Variants in M1AP observed in about 807,000 individuals in gnomAD.
M1AP encodes the protein meiosis 1 arrest protein.
In M1AP, 39 loss-of-function variants were observed where a neutral mutation model predicts 51.2. The ratio of observed to expected loss-of-function variants is 0.76; its 90% CI spans 0.59 to 1.00. The LOEUF is 1.00. Among genes scored for constraint, M1AP ranks in the 50% least tolerant of loss-of-function variants. The pLI is 0.00. For missense variants in M1AP, 545 were observed against 641.2 expected, an observed-to-expected ratio of 0.85 and a Z score of 1.62; for synonymous variants, 251 against 249.2, an observed-to-expected ratio of 1.01 and a Z score of -0.07.
At chr2:74,576,212 A>G (rs549683743) in intron 6 of M1AP, among the ~76,000 whole-genome samples, 122 of 152,324 alleles carry the variant, frequency 8.0e-4, no homozygotes, top group Middle Eastern at 6.8e-3. Context: ...AGTCAAAAGA[A>G]AAACAATCCT....
intron 4 of M1AP, among the ~76,000 whole-genome samples, chr2:74,602,523 T>C (rs1680732679): frequency 6.6e-6 from 1 of 152,202 alleles, no homozygotes; most frequent in Non-Finnish European, 1.5e-5. Flanking sequence ...TGAGGCTAAA[T>C]ACCTTGCCTA....
chr2:74,626,265 T>G (rs1383756557), intron 2 of M1AP, among the ~76,000 whole-genome samples: 2 of 150,662 alleles, frequency 1.3e-5, no homozygotes, highest in African/African-American at 2.5e-5. Flanking sequence ...CAGTTTTTTT[T>G]TTTTTTTTTT....
chr2:74,643,237 A>G (rs1037244936), intron 1 of M1AP, among the ~76,000 whole-genome samples: 2 of 152,198 alleles, frequency 1.3e-5, no homozygotes, highest in Non-Finnish European at 2.9e-5. Context: ...AAAAAAACAC[A>G]AATGTCAATC....
chr2:74,597,083 A>T (rs1355140565), intron 4 of M1AP, among the ~76,000 whole-genome samples: 1 of 152,232 alleles, frequency 6.6e-6, no homozygotes, highest in Admixed American at 6.5e-5. Flanking sequence ...GTATACTTCG[A>T]ATGGATGCAA....
At chr2:74,570,281 C>T (rs1017240410) in intron 7 of M1AP, among the ~76,000 whole-genome samples, 3 of 152,066 alleles carry the variant, frequency 2.0e-5, no homozygotes, top group Middle Eastern at 3.2e-3. Flanking sequence ...CTGGACAACA[C>T]AAATTATATT....
intron 1 of M1AP, among the ~76,000 whole-genome samples, chr2:74,646,022 C>A (rs74635623): frequency 2.0e-5 from 3 of 152,130 alleles, no homozygotes; most frequent in Non-Finnish European, 4.4e-5. Context: ...CTTTAGTTCA[C>A]GAATTACTAG....
At chr2:74,568,355 G>A (rs1228436616) in intron 7 of M1AP, among the ~76,000 whole-genome samples, 1 of 152,238 alleles carries the variant, frequency 6.6e-6, no homozygotes, top group Non-Finnish European at 1.5e-5. Flanking sequence ...TTGTTGGAAG[G>A]CAGTAAGGAG....
chr2:74,583,599 C>T (rs1358333437), intron 4 of M1AP, among the ~76,000 whole-genome samples: 1 of 152,188 alleles, frequency 6.6e-6, no homozygotes, highest in Non-Finnish European at 1.5e-5. Flanking sequence ...ACTTTCCTTG[C>T]TTCATCAGGA....
At chr2:74,592,676 C>A (rs886079358) in intron 4 of M1AP, among the ~76,000 whole-genome samples, 1 of 152,058 alleles carries the variant, frequency 6.6e-6, no homozygotes, top group Non-Finnish European at 1.5e-5. Context: ...ATAAATAAAT[C>A]TTTCTTTATT....
intron 8 of M1AP, among the ~76,000 whole-genome samples, chr2:74,560,727 G>C (rs894341348): frequency 7.2e-5 from 11 of 152,156 alleles, no homozygotes; most frequent in African/African-American, 2.7e-4. Flanking sequence ...AAGGGAGGAG[G>C]GGATACAGGA....
chr2:74,618,264 C>T (rs1400131246), intron 2 of M1AP, among the ~76,000 whole-genome samples: 1 of 152,134 alleles, frequency 6.6e-6, no homozygotes, highest in Non-Finnish European at 1.5e-5. Flanking sequence ...GATGGAGCTC[C>T]CACCCCACAT....
In M1AP at chr2:74,607,174, T is replaced by C. The variant is rs117569670; in HGVS notation, c.476A>G (p.Glu159Gly). The change falls in exon 4 of 11, where the codon GAG (glutamate) becomes GGG (glycine). Residue 159 changes from glutamate (E) to glycine (G), a missense_variant. By Grantham distance (98) the Glu-to-Gly change is moderately conservative. Coordinates refer to ENST00000421985, the MANE Select transcript of M1AP (RefSeq NM_001321739.2). ...QPGKEVVKQL[E>G]EGLKDTDLAR... ...TAGGTCTGTATCTTTCAACCCTTCC[T>C]CCAACTGTTTGACCACCTCTTTTCC... The C allele has an allele frequency of 3.1e-6, 5 of 1,613,982 alleles. No homozygotes were observed. In the South Asian group the frequency reaches 5.5e-5, roughly 18 times the overall value.
At chr2:74,576,086 G>A (rs1281315008) in intron 6 of M1AP, among the ~76,000 whole-genome samples, 6 of 152,188 alleles carry the variant, frequency 3.9e-5, no homozygotes, top group Admixed American at 1.3e-4. Flanking sequence ...AATGGGAGGG[G>A]GCAGGGGTAG....
chr2:74,578,964 G>C (rs1679246825), intron 5 of M1AP, among the ~76,000 whole-genome samples: 1 of 152,074 alleles, frequency 6.6e-6, no homozygotes, highest in South Asian at 2.1e-4. Context: ...TAAAATCTCA[G>C]GTGGGTCACA....
At chr2:74,644,623 A>C (rs1033409330) in intron 1 of M1AP, among the ~76,000 whole-genome samples, 1 of 152,044 alleles carries the variant, frequency 6.6e-6, no homozygotes, top group Non-Finnish European at 1.5e-5. Flanking sequence ...CTTTTTGGAT[A>C]GTGGAAGTCA....
chr2:74,562,477 T>C, intron 7 of M1AP, 54 bp from the exon 8 acceptor site: 1 of 1,594,852 alleles, frequency 6.3e-7, no homozygotes, highest in Non-Finnish European at 8.6e-7. Context: ...TGGCATGGTT[T>C]GAGGATCAGT....
chr2:74,559,402 C>T (rs1677754930), intron 10 of M1AP, among the ~76,000 whole-genome samples: 1 of 152,192 alleles, frequency 6.6e-6, no homozygotes, highest in Non-Finnish European at 1.5e-5. Flanking sequence ...TCAAGCGATC[C>T]ACCTGCCTCG....
chr2:74,570,555 G>A (rs1678672736), intron 7 of M1AP, among the ~76,000 whole-genome samples: 1 of 152,192 alleles, frequency 6.6e-6, no homozygotes, highest in South Asian at 2.1e-4. Flanking sequence ...GCATACAAAT[G>A]TCTAATGACA....
intron 4 of M1AP, among the ~76,000 whole-genome samples, chr2:74,599,642 T>C (rs1275812834): frequency 6.6e-6 from 1 of 152,138 alleles, no homozygotes; most frequent in East Asian, 1.9e-4. Flanking sequence ...GACACTATCT[T>C]AATTAGAATA....
Sources: gnomAD v4.1 joint callset for allele counts (sites outside exome capture counted in the v4.1 genomes callset) on GRCh38, gnomAD v4.1.1 for gene constraint, MANE v1.5 for transcripts, NCBI Gene and HGNC (gene_info 2026-07-23, HGNC 2026-07-21) for gene names.